The following FOXA1 variants were observed in gnomAD, a reference collection of about 807,000 sequenced individuals.
The protein encoded by FOXA1 is hepatocyte nuclear factor 3-alpha.
In FOXA1, 9 loss-of-function variants were observed where a neutral mutation model predicts 29.2. That is an observed-to-expected ratio of 0.31 (90% CI 0.19 to 0.54). The LOEUF (loss-of-function observed/expected upper bound fraction) is 0.54. FOXA1 is among the 20% of genes least tolerant of loss of function. FOXA1 has a pLI of 0.95. For synonymous variants in FOXA1, 340 were observed against 300.9 expected (o/e 1.13, Z -1.34); for missense variants, 644 against 681.2 (o/e 0.95, Z 0.61).
rs2095600743 is a variant in FOXA1 at position 37,594,962 on chromosome 14, G to T, written c.11C>A (p.Thr4Asn). ...GGTTTCATGCCCTTCCATCTTCACA[G>T]TTCCTAACATCCTGGAGCCACCCTG... MLGTVKMEGHETSD... is the reference protein window; with the variant it reads MLGNVKMEGHETSD... Residue 4 changes from threonine (T) to asparagine (N), a missense_variant, in exon 1 of 2, where the codon ACT becomes AAT. By Grantham distance (65) the Thr-to-Asn change is moderately conservative. Transcript: ENST00000250448. 1.9e-6 allele frequency: 3 copies of T among 1,574,228 alleles called. No homozygotes were observed. Among genetic ancestry groups the T allele is most frequent in the South Asian group, 2.2e-5 (2 of 89,862 alleles).
chr14:37,591,410 C>G lies in FOXA1; in HGVS notation c.1374G>C (p.Ala458=). 6.2e-7 allele frequency: 1 copy of G among 1,614,052 alleles called. No individual in the cohort carries two copies. Among genetic ancestry groups the G allele is most frequent in the Non-Finnish European group, 8.5e-7 (1 of 1,180,028 alleles). Residue 458 remains alanine, a synonymous_variant, in exon 2 of 2, where the codon GCG becomes GCC. Coordinates refer to ENST00000250448, the MANE Select transcript of FOXA1 (RefSeq NM_004496.5). The stretch of plus-strand genomic sequence containing the variant: ...GTCTGGAATACACACCTTGGTAGTA[C>G]GCCGGCTCCAGGGCTGAGGGCTCGA... ...SPIEPSALEP[A]YYQGVYSRPV...
Position 37,592,209 on chromosome 14 carries a change from G to A in FOXA1, c.575C>T (p.Thr192Met), listed in dbSNP as rs926601303. The change falls in exon 2 of 2, where the codon ACG (threonine) becomes ATG (methionine). Residue 192 changes from threonine to methionine, a missense_variant. Thr to Met is a moderately conservative substitution (Grantham distance 81, BLOSUM62 -1). Around this residue, in one of 5 missense-constraint regions of FOXA1, gnomAD observed 309 missense variants for 307.0 expected, o/e 1.01. Transcript: ENST00000250448. ...AIQQAPSKML[T>M]LSEIYQWIMD... Reference sequence around the variant, plus strand: ...GATCCACTGGTAGATCTCGCTCAGCGTGAGCATCTTGCTGGGCGCCTGCTG... The same window carrying A: ...GATCCACTGGTAGATCTCGCTCAGCATGAGCATCTTGCTGGGCGCCTGCTG... 1 of 1,613,750 alleles carries A rather than the reference G, an allele frequency of 6.2e-7. No homozygotes were observed. The highest frequency in any genetic ancestry group is 8.5e-7 in the Non-Finnish European group (1 of 1,179,834).
In FOXA1 at chr14:37,592,064, C is replaced by T. The variant is rs200657522; in HGVS notation, c.720G>A (p.Lys240=). 3.7e-6 allele frequency: 6 copies of T among 1,610,250 alleles called. No individual in the cohort carries two copies. In the East Asian group the frequency reaches 1.1e-4, roughly 30 times the overall value. ...CCGGGTGCAGCGTCCAGTAGGAGCC[C>T]TTGCCCGGCTTGTCCGGGGAGCGTG... The part of the protein sequence containing the change: ...KVARSPDKPG[K]GSYWTLHPDS... The change falls in exon 2 of 2, where the codon AAG becomes AAA. Residue 240 remains lysine (K), a synonymous_variant. Coordinates refer to ENST00000250448, the MANE Select transcript of FOXA1 (RefSeq NM_004496.5).
rs1355478318 is a variant in FOXA1 at position 37,590,105 on chromosome 14, T to C, written c.*1260A>G. 1 of 231,874 alleles carries C rather than the reference T, an allele frequency of 4.3e-6. No homozygotes were observed. The highest frequency in any genetic ancestry group is 2.2e-5 in the African/African-American group (1 of 45,298). The allele number at this position is 231,874 out of a possible 1,614,324, so 14.4% of individuals were successfully genotyped here. On this transcript the variant is annotated 3_prime_UTR_variant, in exon 2 of 2. Transcript: ENST00000250448. Reference sequence around the variant, plus strand: ...CAAAATATTTTTAATTACAATCACATTGATAAAAATTAACAATTTAATTTG... The same window carrying C: ...CAAAATATTTTTAATTACAATCACACTGATAAAAATTAACAATTTAATTTG...
chr14:37,593,841 C>A (rs866944123), intron 1 of FOXA1: 3 of 197,616 alleles, frequency 1.5e-5, no homozygotes, highest in Non-Finnish European at 3.0e-5. Context: ...AAAAAGCACT[C>A]CTCTGGTAAT....
At chr14:37,592,844 G>T in intron 1 of FOXA1, 133 bp from the exon 2 acceptor site, 1 of 1,079,330 alleles carries the variant, frequency 9.3e-7, no homozygotes, top group Non-Finnish European at 1.4e-6. Flanking sequence ...CCCCACCCGG[G>T]GCAAATGGCT....
Position 37,591,805 on chromosome 14 carries a change from CG to C in FOXA1, c.978del (p.Ala329ProfsTer21). 2.7e-6 allele frequency: 4 copies of C among 1,459,980 alleles called. No homozygotes were observed. Among genetic ancestry groups the C allele is most frequent in the Non-Finnish European group, 9.0e-7 (1 of 1,110,358 alleles). The allele number at this position is 1,459,980 out of a possible 1,614,324, so 90.4% of individuals were successfully genotyped here. On this transcript the variant is annotated frameshift_variant, in exon 2 of 2. Transcript: ENST00000250448. LOFTEE classifies it high-confidence loss of function. ...KTGQLEGAPA[P>X]GPAASPQTLD... ...AGAGTCTGGGGGCTGGCGGCGGGCC[CG>C]GGGGCCGGCGCGCCCTCTAGCTGGC...
At position 37,592,497 on chromosome 14, in the gene FOXA1, A is replaced by T. The variant is rs1341590489; in HGVS notation, c.287T>A (p.Met96Lys). 1 of 1,610,916 alleles carries T rather than the reference A, an allele frequency of 6.2e-7. No homozygotes were observed. Among genetic ancestry groups the T allele is most frequent in the East Asian group, 2.2e-5 (1 of 44,820 alleles). The change falls in exon 2 of 2, where the codon ATG (methionine) becomes AAG (lysine). Residue 96 changes from methionine (M) to lysine (K), a missense_variant. Transcript: ENST00000250448. ...CATGGCCGTCACGCCGGCCGCAGTC[A>T]TGCTGTTCATGGCGCCCGCCGAGCC... ...PGGSAGAMNS[M>K]TAAGVTAMGT...
chr14:37,594,824 G>C, intron 1 of FOXA1, 77 bp downstream of exon 1: 1 of 1,269,484 alleles, frequency 7.9e-7, no homozygotes. Context: ...CTTGCCTGGC[G>C]CCCACCGCTC....
Position 37,595,151 on chromosome 14 carries a change from G to GGCGGC in FOXA1, c.-184_-180dup, listed in dbSNP as rs943721979. On this transcript the variant is annotated 5_prime_UTR_variant, in exon 1 of 2. Transcript: ENST00000250448. ...TGCGGGGCGCGGCGTGCGCGGCGGC[G>GGCGGC]GCGGCGGCGCGGCGGGCGGGGGCAG... is the stretch of plus-strand genomic sequence containing the variant. 5 of 202,224 alleles carry GGCGGC rather than the reference G, an allele frequency of 2.5e-5. No individual in the cohort carries two copies. Among genetic ancestry groups the GGCGGC allele is most frequent in the Admixed American group, 6.7e-5 (1 of 15,036 alleles). 12.5% of individuals were successfully genotyped at this position (202,224 alleles called of 1,614,324 possible). A position where few individuals can be genotyped will look rare whatever the true frequency, so the allele number is the denominator to read the frequency against.
In FOXA1 at chr14:37,592,082, G is replaced by A. The variant is rs2139182035; in HGVS notation, c.702C>T (p.Ser234=). The change falls in exon 2 of 2, where the codon TCC becomes TCT. Residue 234 remains serine (S), a synonymous_variant. Coordinates refer to ENST00000250448, the MANE Select transcript of FOXA1 (RefSeq NM_004496.5). ...AGGAGCCCTTGCCCGGCTTGTCCGG[G>A]GAGCGTGCCACCTTGACGAAGCAGT... ...FNDCFVKVAR[S]PDKPGKGSYW... 1 of 1,611,478 alleles carries A rather than the reference G, an allele frequency of 6.2e-7. No individual in the cohort carries two copies. Among genetic ancestry groups the A allele is most frequent in the Non-Finnish European group, 8.5e-7 (1 of 1,178,656 alleles).
Position 37,591,712 on chromosome 14 carries a change from G to T in FOXA1, c.1072C>A (p.Pro358Thr), listed in dbSNP as rs1474381066. The change falls in exon 2 of 2, where the codon CCC becomes ACC. Residue 358 changes from proline (P) to threonine (T), a missense_variant. This residue lies in a region of FOXA1 where 295 missense variants were observed against 294.4 expected (regional missense o/e 1.00). Transcript: ENST00000250448. ...ELKTPASSTA[P>T]PISSGPGALA... ...GCCCCGGGCCCGGAGCTTATGGGGG[G>T]CGCAGTTGAGGAGGCTGGAGTCTTC... 4.4e-6 allele frequency: 7 copies of T among 1,580,964 alleles called. No homozygotes were observed. Among genetic ancestry groups the T allele is most frequent in the Middle Eastern group, 1.7e-4 (1 of 5,876 alleles).
rs545243356 is a variant in FOXA1 at position 37,595,119 on chromosome 14, C to T, written c.-147G>A. The T allele has an allele frequency of 1.0e-5, 4 of 398,638 alleles. No individual in the cohort carries two copies. The highest frequency in any genetic ancestry group is 6.8e-5 in the African/African-American group (3 of 44,418). The allele number at this position is 398,638 out of a possible 1,614,324, so 24.7% of individuals were successfully genotyped here. ...AACGCCACCCGGGCGAAGAGGAAGC[C>T]CAGAGCTGCGGGGCGCGGCGTGCGC... On this transcript the variant is annotated 5_prime_UTR_variant, in exon 1 of 2. Transcript: ENST00000250448.
Position 37,593,995 on chromosome 14 carries a change from A to C in FOXA1, c.72+906T>G, listed in dbSNP as rs978943477. ...AACTCAGAGGTAAACTTGTGAATAC[A>C]TAAATCTAAATAAGTCAGTTACCAT... On this transcript the variant is annotated intron_variant, in intron 1 of 1. Coordinates refer to ENST00000250448, the MANE Select transcript of FOXA1 (RefSeq NM_004496.5). The C allele has an allele frequency of 3.0e-5, 32 of 1,065,938 alleles. No homozygotes were observed. The African/African-American group carries it at 4.9e-4, about 16-fold the overall frequency. 66.0% of individuals were successfully genotyped at this position (1,065,938 alleles called of 1,614,324 possible).
chr14:37,592,530 A>G lies in FOXA1; in HGVS notation c.254T>C (p.Met85Thr). 6.2e-7 allele frequency: 1 copy of G among 1,613,526 alleles called. No individual in the cohort carries two copies. The highest frequency in any genetic ancestry group is 8.5e-7 in the Non-Finnish European group (1 of 1,179,726). The part of the protein sequence containing the change: ...AGLSPGAVAG[M>T]PGGSAGAMNS... ...CATGGCGCCCGCCGAGCCCCCCGGC[A>G]TGCCGGCTACTGCGCCGGGACTCAG... The change falls in exon 2 of 2, where the codon ATG becomes ACG. Residue 85 changes from methionine to threonine, a missense_variant. Physicochemically the swap from Met to Thr is moderately conservative, Grantham distance 81. Around this residue, in one of 5 missense-constraint regions of FOXA1, gnomAD observed 309 missense variants for 307.0 expected, o/e 1.01. Coordinates refer to ENST00000250448, the MANE Select transcript of FOXA1 (RefSeq NM_004496.5).
Position 37,589,651 on chromosome 14 carries a change from T to C in FOXA1, c.*1714A>G, listed in dbSNP as rs1225170490. 6.7e-6 allele frequency among the ~76,000 whole-genome samples: 1 copy of C among 150,194 alleles called. No individual in the cohort carries two copies. The highest frequency in any genetic ancestry group is 1.5e-5 in the Non-Finnish European group (1 of 67,800). On this transcript the variant is annotated 3_prime_UTR_variant, in exon 2 of 2. Coordinates refer to ENST00000250448, the MANE Select transcript of FOXA1 (RefSeq NM_004496.5). Reference sequence around the variant, plus strand: ...TGATACATTGGGGAAGGAGGAAAGGTAGTTAAATTAATATTTGATTTTGTA... The same window carrying C: ...TGATACATTGGGGAAGGAGGAAAGGCAGTTAAATTAATATTTGATTTTGTA...
At position 37,591,492 on chromosome 14, in the gene FOXA1, G is replaced by T; in HGVS notation, c.1292C>A (p.Ser431Tyr). ...EQALQYSPYG[S>Y]TLPASLPLGS... is the part of the protein sequence containing the mutation. ...TAGAGGCAGGCTGGCGGGCAACGTA[G>T]AGCCGTAAGGCGAGTATTGCAGTGC... is the stretch of plus-strand genomic sequence containing the variant. Residue 431 changes from serine (S) to tyrosine (Y), a missense_variant, in exon 2 of 2, where the codon TCT becomes TAT. By Grantham distance (144) the Ser-to-Tyr change is moderately radical. Coordinates refer to ENST00000250448, the MANE Select transcript of FOXA1 (RefSeq NM_004496.5). 6.2e-7 allele frequency: 1 copy of T among 1,614,232 alleles called. No individual in the cohort carries two copies. The highest frequency in any genetic ancestry group is 8.5e-7 in the Non-Finnish European group (1 of 1,180,054).
In FOXA1 at chr14:37,592,312, C is replaced by G. The variant is rs771653601; in HGVS notation, c.472G>C (p.Asp158His). ...TAGCTGCGCTTGAACGTCTTGGCGT[C>G]GCCGCCGCCGCCCGCGCGGCTGCGG... ...LGRSRAGGGG[D>H]AKTFKRSYPH... is the part of the protein sequence containing the mutation. The change falls in exon 2 of 2, where the codon GAC (aspartate) becomes CAC (histidine). Residue 158 changes from aspartate (D) to histidine (H), a missense_variant. Around this residue, in one of 5 missense-constraint regions of FOXA1, gnomAD observed 309 missense variants for 307.0 expected, o/e 1.01. Transcript: ENST00000250448. 6.3e-7 allele frequency: 1 copy of G among 1,597,066 alleles called. No homozygotes were observed. The highest frequency in any genetic ancestry group is 8.5e-7 in the Non-Finnish European group (1 of 1,173,108).
chr14:37,594,778 T>G, intron 1 of FOXA1, 123 bp downstream of exon 1: 15 of 512,648 alleles, frequency 2.9e-5, no homozygotes, highest in Non-Finnish European at 3.6e-5. Flanking sequence ...CGGGCAGCGG[T>G]GGCACCGAGA....
Sources: allele counts gnomAD v4.1 joint callset (sites outside exome capture counted in the v4.1 genomes callset), GRCh38; gene constraint gnomAD v4.1.1; regional missense constraint gnomAD v4.1.1; transcripts MANE v1.5; gene names NCBI Gene and HGNC (gene_info 2026-07-23, HGNC 2026-07-21).